Variants in NRG3 observed in about 807,000 individuals in gnomAD.
NRG3 encodes the protein pro-neuregulin-3, membrane-bound isoform.
A neutral mutation model predicts 66.9 loss-of-function variants in NRG3; 31 were observed. The observed-to-expected ratio is 0.46, with a 90% confidence interval of 0.35 to 0.63. The LOEUF (loss-of-function observed/expected upper bound fraction) is 0.63. Ranked by LOEUF, NRG3 falls within the 20% of genes least tolerant of loss-of-function variation. The pLI, the probability that NRG3 is intolerant of heterozygous loss-of-function variation, is 0.00. For synonymous variants in NRG3, 393 were observed against 359.4 expected, an observed-to-expected ratio of 1.09 and a Z score of -1.06; for missense variants, 910 against 878.9, an observed-to-expected ratio of 1.04 and a Z score of -0.45.
chr10:82,357,363 A>G (rs116332907), intron 1 of NRG3, among the ~76,000 whole-genome samples: 5,239 of 152,312 alleles, frequency 0.034, 134 homozygotes, highest in African/African-American at 0.075. Context: ...CTCGCTCACC[A>G]TCAGTTGTGA....
intron 1 of NRG3, among the ~76,000 whole-genome samples, chr10:82,065,267 A>C (rs2064388797): frequency 6.6e-6 from 1 of 152,172 alleles, no homozygotes; most frequent in African/African-American, 2.4e-5. Flanking sequence ...TTATTAGAAT[A>C]AAAACACATA....
intron 2 of NRG3, among the ~76,000 whole-genome samples, chr10:82,535,140 G>C (rs1847690968): frequency 6.7e-6 from 1 of 149,456 alleles, no homozygotes; most frequent in Non-Finnish European, 1.5e-5. Context: ...GGATGACAGA[G>C]AGAGAGAGAG....
At chr10:82,881,608 A>C in intron 4 of NRG3, among the ~76,000 whole-genome samples, 1 of 152,102 alleles carries the variant, frequency 6.6e-6, no homozygotes, top group Non-Finnish European at 1.5e-5. Flanking sequence ...CACTGTAATA[A>C]ACACACACAC....
intron 3 of NRG3, among the ~76,000 whole-genome samples, chr10:82,786,094 A>C (rs528105447): frequency 6.6e-6 from 1 of 152,276 alleles, no homozygotes; most frequent in African/African-American, 2.4e-5. Context: ...GCAGAGCCAT[A>C]GGAGTGAGGC....
chr10:81,988,318 C>G (rs1023769046), intron 1 of NRG3, among the ~76,000 whole-genome samples: 8 of 152,156 alleles, frequency 5.3e-5, no homozygotes, highest in Non-Finnish European at 1.0e-4. Context: ...GTTAAGGCCT[C>G]TCACTGCCCT....
rs180681235 is a variant in NRG3, at chr10:82,069,708, A to G, written c.823+193545A>G. Among the ~76,000 whole-genome samples the G allele has an allele frequency of 3.9e-3, 593 of 152,374 alleles. 2 individuals carry two copies. Among genetic ancestry groups the G allele is most frequent in the African/African-American group, 0.014 (565 of 41,586 alleles). ...AAACGGAGTCTGGATTGTAGAAAAC[A>G]TATAAAACCTATATCAAAAATCATC... On this transcript the variant is annotated intron_variant, in intron 1 of 8. Coordinates refer to ENST00000372141, the MANE Select transcript of NRG3 (RefSeq NM_001010848.4).
At chr10:82,673,370 A>AT in intron 2 of NRG3, among the ~76,000 whole-genome samples, 1 of 152,344 alleles carries the variant, frequency 6.6e-6, no homozygotes, top group African/African-American at 2.4e-5. Flanking sequence ...ATTGTGTGAT[A>AT]TTTTTGTGAC....
chr10:82,750,162 G>A (rs911972134), intron 3 of NRG3, among the ~76,000 whole-genome samples: 2 of 152,126 alleles, frequency 1.3e-5, no homozygotes, highest in African/African-American at 4.8e-5. Flanking sequence ...TTTTGATGGT[G>A]TTTTACATGA....
At chr10:82,164,318 G>A (rs1418094948) in intron 1 of NRG3, among the ~76,000 whole-genome samples, 1 of 152,020 alleles carries the variant, frequency 6.6e-6, no homozygotes, top group African/African-American at 2.4e-5. Flanking sequence ...GGATATTTAG[G>A]ATATTCATCA....
rs1358315314 is a variant in NRG3, at chr10:82,572,594, T to G, written c.954-165983T>G. Among the ~76,000 whole-genome samples the G allele has an allele frequency of 2.7e-5, 4 of 150,118 alleles. No homozygotes were observed. In the East Asian group the frequency reaches 8.1e-4, roughly 30 times the overall value. On this transcript the variant is annotated intron_variant, in intron 2 of 8. Coordinates refer to ENST00000372141, the MANE Select transcript of NRG3 (RefSeq NM_001010848.4). ...AAGAAAAATTCAATCAGGTGGTTTTTTTTGTGTGTGTGTGTGCCTACATTT... is the reference window on the plus strand; with the variant it reads ...AAGAAAAATTCAATCAGGTGGTTTTGTTTGTGTGTGTGTGTGCCTACATTT...
chr10:82,016,754 T>C (rs1170736411), intron 1 of NRG3, among the ~76,000 whole-genome samples: 2 of 152,080 alleles, frequency 1.3e-5, no homozygotes, highest in Non-Finnish European at 2.9e-5. Context: ...TGGAAGACTT[T>C]TGGGAACTGC....
At chr10:81,934,728 C>T (rs1847704820) in intron 1 of NRG3, among the ~76,000 whole-genome samples, 1 of 152,062 alleles carries the variant, frequency 6.6e-6, no homozygotes, top group South Asian at 2.1e-4. Context: ...TATTTTAGAT[C>T]ACCTATTACT....
intron 1 of NRG3, among the ~76,000 whole-genome samples, chr10:82,236,235 A>T (rs1190817512): frequency 6.6e-6 from 1 of 152,174 alleles, no homozygotes; most frequent in East Asian, 1.9e-4. Context: ...CCAGTACTGT[A>T]GTAGGAAGTA....
At position 82,242,307 on chromosome 10, in the gene NRG3, G is replaced by A. The variant is rs1198669330; in HGVS notation, c.824-116432G>A. On this transcript the variant is annotated intron_variant, in intron 1 of 8. Coordinates refer to ENST00000372141, the MANE Select transcript of NRG3 (RefSeq NM_001010848.4). Reference sequence around the variant, plus strand: ...TTTAAGGTGAATATCCTTTGCAAAAGATGGTGTCTAAATTATGTCTCCAGA... The same window carrying A: ...TTTAAGGTGAATATCCTTTGCAAAAAATGGTGTCTAAATTATGTCTCCAGA... 3.3e-5 allele frequency among the ~76,000 whole-genome samples: 5 copies of A among 152,264 alleles called. No homozygotes were observed. The South Asian group carries it at 6.2e-4, about 19-fold the overall frequency.
At chr10:82,610,400 CT>C in intron 2 of NRG3, among the ~76,000 whole-genome samples, 1 of 152,052 alleles carries the variant, frequency 6.6e-6, no homozygotes, top group South Asian at 2.1e-4. Flanking sequence ...TTTAATGTCC[CT>C]CAATTTTAGG....
chr10:82,598,614 A>T (rs1005387403), intron 2 of NRG3, among the ~76,000 whole-genome samples: 3 of 152,364 alleles, frequency 2.0e-5, no homozygotes, highest in Admixed American at 1.3e-4. Flanking sequence ...GGATAGAAGG[A>T]TGGAGTGATT....
chr10:81,960,640 C>T (rs1004903795), intron 1 of NRG3, among the ~76,000 whole-genome samples: 6 of 151,300 alleles, frequency 4.0e-5, no homozygotes, highest in Middle Eastern at 3.2e-3. Flanking sequence ...TGGTATCAAG[C>T]GTTACACTTT....
chr10:82,312,138 T>G (rs1051571477), intron 1 of NRG3, among the ~76,000 whole-genome samples: 1 of 152,188 alleles, frequency 6.6e-6, no homozygotes, highest in African/African-American at 2.4e-5. Flanking sequence ...ACCTGAATAC[T>G]CCTAAGCAAG....
At chr10:82,375,170 T>G (rs1191151737) in intron 2 of NRG3, among the ~76,000 whole-genome samples, 1 of 152,216 alleles carries the variant, frequency 6.6e-6, no homozygotes, top group African/African-American at 2.4e-5. Flanking sequence ...GAAGCACTTC[T>G]TAGAGGTTGC....
Sources: allele counts gnomAD v4.1 joint callset (sites outside exome capture counted in the v4.1 genomes callset), GRCh38; gene constraint gnomAD v4.1.1; transcripts MANE v1.5; gene names NCBI Gene and HGNC (gene_info 2026-07-23, HGNC 2026-07-21).